The following CD164 variants were observed in gnomAD, a reference collection of about 807,000 sequenced individuals.
The protein encoded by CD164 is sialomucin core protein 24.
In CD164, 11 loss-of-function variants were observed where a neutral mutation model predicts 24.6. The ratio of observed to expected loss-of-function variants is 0.45; its 90% CI spans 0.28 to 0.74. The LOEUF (loss-of-function observed/expected upper bound fraction) is 0.74, where lower values mean the gene tolerates loss of function less well. CD164 is among the 30% of genes least tolerant of loss of function. The pLI is 0.13. For missense variants in CD164, 295 were observed against 243.7 expected, an observed-to-expected ratio of 1.21 and a Z score of -1.40; for synonymous variants, 126 against 100.3, an observed-to-expected ratio of 1.26 and a Z score of -1.53.
rs1044723148 is a variant in CD164, at chr6:109,382,467, T to A, written c.-89A>T. ...TCCCCTGCGGCGCCGCCTCCGAGAC[T>A]ACGCTCCCCCGCGGGAGCGCGCAGG... is the stretch of plus-strand genomic sequence containing the variant. On this transcript the variant is annotated 5_prime_UTR_variant, in exon 1 of 6. Transcript: ENST00000310786. The A allele has an allele frequency of 1.6e-6, 2 of 1,284,742 alleles. No individual in the cohort carries two copies. The highest frequency in any genetic ancestry group is 1.7e-5 in the South Asian group (1 of 58,862). 79.6% of individuals were successfully genotyped at this position (1,284,742 alleles called of 1,614,324 possible). A position where few individuals can be genotyped will look rare whatever the true frequency, so the allele number is the denominator to read the frequency against.
intron 3 of CD164, among the ~76,000 whole-genome samples, chr6:109,377,347 T>G (rs1363503658): frequency 6.6e-6 from 1 of 152,218 alleles, no homozygotes; most frequent in South Asian, 2.1e-4. Context: ...AAATTAGGAA[T>G]ATGCCTTTCC....
At chr6:109,371,109 C>T (rs1771051655) in intron 4 of CD164, 1 of 152,264 alleles carries the variant, frequency 6.6e-6, no homozygotes, top group South Asian at 2.1e-4. Flanking sequence ...CTGCATGAGG[C>T]CAAAATACTA....
At position 109,368,167 on chromosome 6, in the gene CD164, G is replaced by T; in HGVS notation, c.*684C>A. On this transcript the variant is annotated 3_prime_UTR_variant, in exon 6 of 6. Coordinates refer to ENST00000310786, the MANE Select transcript of CD164 (RefSeq NM_006016.6). The stretch of plus-strand genomic sequence containing the variant: ...TCAAAGAACAAATCATAGACATTAA[G>T]CTAGAGCTTACCTTTCACTGTCTTC... The T allele has an allele frequency of 1.0e-6, 1 of 1,004,768 alleles. No individual in the cohort carries two copies. 62.2% of individuals were successfully genotyped at this position (1,004,768 alleles called of 1,614,324 possible). A position where few individuals can be genotyped will look rare whatever the true frequency, so the allele number is the denominator to read the frequency against.
At chr6:109,379,162 T>G (rs1411061117) in intron 2 of CD164, among the ~76,000 whole-genome samples, 1 of 152,168 alleles carries the variant, frequency 6.6e-6, no homozygotes, top group Non-Finnish European at 1.5e-5. Context: ...CAACACAACC[T>G]TCACTCACAG....
At position 109,382,348 on chromosome 6, in the gene CD164, C is replaced by T; in HGVS notation, c.31G>A (p.Ala11Thr). 2 of 1,560,556 alleles carry T rather than the reference C, an allele frequency of 1.3e-6. No individual in the cohort carries two copies. Among genetic ancestry groups the T allele is most frequent in the Admixed American group, 1.9e-5 (1 of 53,216 alleles). Reference sequence around the variant, plus strand: ...CAGAGCACGCCCAGGCAGGTGGCGGCCCAAAGCAGTGAGCGGGAGAGCCGC... The same window carrying T: ...CAGAGCACGCCCAGGCAGGTGGCGGTCCAAAGCAGTGAGCGGGAGAGCCGC... MSRLSRSLLW[A>T]ATCLGVLCVL... Residue 11 changes from alanine to threonine, a missense_variant, in exon 1 of 6, where the codon GCC (alanine) becomes ACC (threonine). By Grantham distance (58) the Ala-to-Thr change is moderately conservative. Transcript: ENST00000310786.
At chr6:109,373,074 T>C (rs550329901) in intron 4 of CD164, among the ~76,000 whole-genome samples, 1 of 152,254 alleles carries the variant, frequency 6.6e-6, no homozygotes, top group South Asian at 2.1e-4. Context: ...TCATAAGTTA[T>C]AAAAGTTGCT....
At chr6:109,370,649 G>A in intron 4 of CD164, 182 bp from the exon 5 acceptor site, 1 of 532,276 alleles carries the variant, frequency 1.9e-6, no homozygotes, top group Non-Finnish European at 3.4e-6. Context: ...TAGGATTTAA[G>A]TGTATTTTAA....
intron 1 of CD164, chr6:109,380,015 T>C (rs1358998): frequency 0.31 from 51,534 of 166,600 alleles, 8,209 homozygotes; most frequent in Middle Eastern, 0.41. Flanking sequence ...AAGGCTTTGA[T>C]ATAATACCAA....
chr6:109,377,965 C>T lies in CD164; in HGVS notation c.266G>A (p.Ser89Asn), dbSNP rs750068380. Residue 89 changes from serine to asparagine, a missense_variant, in exon 3 of 6, where the codon AGC becomes AAC. Transcript: ENST00000310786. ...AACTGTTGAGTTATGTGAACAATAG[C>T]TCTCATCTGTTGGGGGGCAGGGGAA... ...TCFWIECKDESYCSHNSTVSD... is the reference protein window; with the variant it reads ...TCFWIECKDENYCSHNSTVSD... 6.2e-7 allele frequency: 1 copy of T among 1,613,032 alleles called. No homozygotes were observed. The highest frequency in any genetic ancestry group is 1.3e-5 in the African/African-American group (1 of 74,916).
chr6:109,373,393 G>C (rs910068325), intron 4 of CD164, among the ~76,000 whole-genome samples: 2 of 151,992 alleles, frequency 1.3e-5, no homozygotes, highest in African/African-American at 4.8e-5. Flanking sequence ...TGCTCTCTTC[G>C]GCAGACGGTA....
In CD164 at chr6:109,368,286, T is replaced by C; in HGVS notation, c.*565A>G. On this transcript the variant is annotated 3_prime_UTR_variant, in exon 6 of 6. Coordinates refer to ENST00000310786, the MANE Select transcript of CD164 (RefSeq NM_006016.6). ...CACACTAATGGTATCCTTTCATTTC[T>C]TTAAATCTGGAATGTAGTTCCTTGT... is the stretch of plus-strand genomic sequence containing the variant. The C allele has an allele frequency of 6.5e-7, 1 of 1,543,278 alleles. No homozygotes were observed. The highest frequency in any genetic ancestry group is 8.7e-7 in the Non-Finnish European group (1 of 1,142,992).
In CD164 at chr6:109,368,274, T is replaced by A; in HGVS notation, c.*577A>T. 2 of 1,540,948 alleles carry A rather than the reference T, an allele frequency of 1.3e-6. No individual in the cohort carries two copies. The highest frequency in any genetic ancestry group is 1.8e-6 in the Non-Finnish European group (2 of 1,141,318). On this transcript the variant is annotated 3_prime_UTR_variant, in exon 6 of 6. Coordinates refer to ENST00000310786, the MANE Select transcript of CD164 (RefSeq NM_006016.6). The stretch of plus-strand genomic sequence containing the variant: ...TAATCTGTTATACACACTAATGGTA[T>A]CCTTTCATTTCTTTAAATCTGGAAT...
chr6:109,378,153 C>A (rs937850340), intron 2 of CD164, among the ~76,000 whole-genome samples, 182 bp from the exon 3 acceptor site: 1 of 152,150 alleles, frequency 6.6e-6, no homozygotes, highest in African/African-American at 2.4e-5. Flanking sequence ...TCTCCTTTTC[C>A]CACTGACTTA....
chr6:109,370,571 AT>A, intron 4 of CD164, 104 bp from the exon 5 acceptor site: 2 of 1,051,172 alleles, frequency 1.9e-6, no homozygotes, highest in Non-Finnish European at 2.8e-6. Flanking sequence ...CATGCTTTCA[AT>A]TTTTTAGAGA....
chr6:109,368,870 C>T lies in CD164; in HGVS notation c.575G>A (p.Arg192Gln), dbSNP rs62436104. The change falls in exon 6 of 6, where the codon CGA becomes CAA. Residue 192 changes from arginine to glutamine, a missense_variant. By Grantham distance (43) the Arg-to-Gln change is conservative (BLOSUM62 1). Transcript: ENST00000310786. ...FLYKFCKSKERNYHTL is the reference protein window; with the variant it reads ...FLYKFCKSKEQNYHTL Reference sequence around the variant, plus strand: ...GTCTGTTTACAGAGTGTGGTAATTTCGTTCTTTAGATTTGCAGAATTTATA... The same window carrying T: ...GTCTGTTTACAGAGTGTGGTAATTTTGTTCTTTAGATTTGCAGAATTTATA... 1,612 of 1,612,806 alleles carry T rather than the reference C, an allele frequency of 1.0e-3. 3 individuals are homozygous for T. Among genetic ancestry groups the T allele is most frequent in the Non-Finnish European group, 9.6e-4 (1,134 of 1,179,552 alleles).
chr6:109,370,264 C>T lies in CD164; in HGVS notation c.427+147G>A, dbSNP rs190299850. 7 of 634,964 alleles carry T rather than the reference C, an allele frequency of 1.1e-5. No individual in the cohort carries two copies. The African/African-American group carries it at 1.3e-4, about 12-fold the overall frequency. The allele number at this position is 634,964 out of a possible 1,614,324, so 39.3% of individuals were successfully genotyped here. A position where few individuals can be genotyped will look rare whatever the true frequency, so the allele number is the denominator to read the frequency against. ...AGCTATCATTATTGTGTTAACAAAGCACTACCTTGATCCCCCCTAAGAGTA... is the reference window on the plus strand; with the variant it reads ...AGCTATCATTATTGTGTTAACAAAGTACTACCTTGATCCCCCCTAAGAGTA... On this transcript the variant is annotated intron_variant, in intron 5 of 5. Coordinates refer to ENST00000310786, the MANE Select transcript of CD164 (RefSeq NM_006016.6).
intron 2 of CD164, 75 bp from the exon 3 acceptor site, chr6:109,378,046 C>T (rs1395075002): frequency 7.9e-6 from 10 of 1,269,624 alleles, no homozygotes; most frequent in Non-Finnish European, 1.1e-5. Context: ...TGCTACTAAG[C>T]TCTATGAAAT....
Position 109,376,396 on chromosome 6 carries a change from AAAGT to A in CD164, c.332-288_332-285del, listed in dbSNP as rs548569179. ...CGCATAACCTCTAGGAAGCATCCTT[AAAGT>A]AAGATACAAGCCTCTTTCATTCCCT... On this transcript the variant is annotated intron_variant, in intron 3 of 5. Coordinates refer to ENST00000310786, the MANE Select transcript of CD164 (RefSeq NM_006016.6). Among the ~76,000 whole-genome samples the A allele has an allele frequency of 2.0e-4, 30 of 152,310 alleles. No homozygotes were observed. The South Asian group carries it at 3.7e-3, about 19-fold the overall frequency.
intron 4 of CD164, among the ~76,000 whole-genome samples, chr6:109,374,131 A>C (rs1414016950): frequency 1.3e-5 from 2 of 152,032 alleles, no homozygotes; most frequent in Non-Finnish European, 2.9e-5. Flanking sequence ...TAGCCCTTAG[A>C]CATTACTGTT....
Sources: allele counts gnomAD v4.1 joint callset (sites outside exome capture counted in the v4.1 genomes callset), GRCh38; gene constraint gnomAD v4.1.1; transcripts MANE v1.5; gene names NCBI Gene and HGNC (gene_info 2026-07-23, HGNC 2026-07-21).